Variants in GRIN2A observed in about 807,000 individuals in gnomAD.
GRIN2A encodes the protein glutamate receptor ionotropic, NMDA 2A.
Under a neutral mutation model 113.4 loss-of-function variants are expected in GRIN2A, and 22 were observed. That is an observed-to-expected ratio of 0.19 (90% CI 0.14 to 0.28). The LOEUF (loss-of-function observed/expected upper bound fraction) is 0.28. Ranked by LOEUF, GRIN2A falls within the 10% of genes least tolerant of loss-of-function variation. The pLI is 1.00. For synonymous variants in GRIN2A, 827 were observed against 738.4 expected, an observed-to-expected ratio of 1.12 and a Z score of -1.94; for missense variants, 1,502 against 1,887.0, an observed-to-expected ratio of 0.80 and a Z score of 3.78.
At position 9,882,032 on chromosome 16, in the gene GRIN2A, G is replaced by A. The variant is rs534233223; in HGVS notation, c.1122+8954C>T. ...TGGATGAACTTTTTTGAAGACTACT[G>A]ATATCTCATACACACACACAACACA... On this transcript the variant is annotated intron_variant, in intron 4 of 12. Transcript: ENST00000330684. Among the ~76,000 whole-genome samples, 31 of 151,728 alleles carry A rather than the reference G, an allele frequency of 2.0e-4. No homozygotes were observed. The South Asian group carries it at 5.6e-3, about 27-fold the overall frequency.
intron 2 of GRIN2A, among the ~76,000 whole-genome samples, chr16:9,991,956 G>A (rs1450195390): frequency 2.0e-5 from 3 of 152,100 alleles, no homozygotes; most frequent in South Asian, 4.2e-4. Flanking sequence ...TGCATGCGGG[G>A]CTTAAAACCT....
intron 2 of GRIN2A, among the ~76,000 whole-genome samples, chr16:10,128,563 C>G (rs1017636371): frequency 6.6e-6 from 1 of 152,218 alleles, no homozygotes; most frequent in African/African-American, 2.4e-5. Context: ...CCTGCCACCC[C>G]ACTCTTCTAG....
intron 2 of GRIN2A, among the ~76,000 whole-genome samples, chr16:10,166,836 A>G (rs2142343491): frequency 1.3e-5 from 2 of 152,262 alleles, no homozygotes; most frequent in East Asian, 3.9e-4. Flanking sequence ...AGCCTCCTCA[A>G]TGTAAAGACA....
At chr16:10,011,302 A>T (rs1050656141) in intron 2 of GRIN2A, among the ~76,000 whole-genome samples, 1 of 152,194 alleles carries the variant, frequency 6.6e-6, no homozygotes, top group Non-Finnish European at 1.5e-5. Context: ...TTCACCCCTG[A>T]ATATTTAGTA....
chr16:9,900,110 G>C (rs895753533), intron 3 of GRIN2A, among the ~76,000 whole-genome samples: 3 of 152,238 alleles, frequency 2.0e-5, no homozygotes, highest in African/African-American at 7.2e-5. Flanking sequence ...AACTATGGTA[G>C]GGGTAGCAGT....
chr16:10,018,706 C>T (rs1481076790), intron 2 of GRIN2A, among the ~76,000 whole-genome samples: 1 of 152,136 alleles, frequency 6.6e-6, no homozygotes, highest in Non-Finnish European at 1.5e-5. Flanking sequence ...CTGCCAGTCA[C>T]TCCCCACACA....
At chr16:9,871,448 G>A (rs1367280310) in intron 4 of GRIN2A, among the ~76,000 whole-genome samples, 5 of 149,768 alleles carry the variant, frequency 3.3e-5, no homozygotes, top group Non-Finnish European at 7.4e-5. Flanking sequence ...AAAAAAAAAG[G>A]TAAAACAACC....
At chr16:9,983,153 A>G (rs1233364290) in intron 2 of GRIN2A, among the ~76,000 whole-genome samples, 2 of 152,200 alleles carry the variant, frequency 1.3e-5, no homozygotes, top group Non-Finnish European at 2.9e-5. Flanking sequence ...CTATTTAAAA[A>G]TACACAATAT....
rs2141295127 is a variant in GRIN2A, at chr16:9,822,405, T to G, written c.2027A>C (p.Tyr676Ser). ...TGTCCCAAATCGAAAAGGTGGGGAATAGTCATGAGGTCTCTGAAACTGGAG... is the reference window on the plus strand; with the variant it reads ...TGTCCCAAATCGAAAAGGTGGGGAAGAGTCATGAGGTCTCTGAAACTGGAG... ...SDKKFQRPHD[Y>S]SPPFRFGTVP... The change falls in exon 10 of 13, where the codon TAT (tyrosine) becomes TCT (serine). Residue 676 changes from tyrosine (Y) to serine (S), a missense_variant. Physicochemically the swap from Tyr to Ser is moderately radical, Grantham distance 144. This residue lies in a region of GRIN2A where 101 missense variants were observed against 240.4 expected (regional missense o/e 0.42). Transcript: ENST00000330684. 6.2e-7 allele frequency: 1 copy of G among 1,611,174 alleles called. No individual in the cohort carries two copies. Among genetic ancestry groups the G allele is most frequent in the Non-Finnish European group, 8.5e-7 (1 of 1,177,558 alleles).
chr16:9,873,879 G>A (rs2043313596), intron 4 of GRIN2A, among the ~76,000 whole-genome samples: 1 of 152,148 alleles, frequency 6.6e-6, no homozygotes, highest in South Asian at 2.1e-4. Flanking sequence ...TAATCTGCTG[G>A]ACCACATAGA....
At chr16:10,012,934 C>A (rs1301910395) in intron 2 of GRIN2A, among the ~76,000 whole-genome samples, 1 of 152,142 alleles carries the variant, frequency 6.6e-6, no homozygotes, top group Non-Finnish European at 1.5e-5. Context: ...CAGCAATAGG[C>A]AACTAATACA....
chr16:9,866,886 C>T (rs930010471), intron 4 of GRIN2A, among the ~76,000 whole-genome samples: 3 of 152,056 alleles, frequency 2.0e-5, no homozygotes, highest in Admixed American at 2.0e-4. Flanking sequence ...CCACCCATTC[C>T]CATGGGGGAA....
intron 2 of GRIN2A, among the ~76,000 whole-genome samples, chr16:10,076,228 T>C (rs927805682): frequency 6.6e-6 from 1 of 152,132 alleles, no homozygotes; most frequent in African/African-American, 2.4e-5. Context: ...CTGCTGCTTG[T>C]GTTTGTTTAC....
At chr16:10,131,986 C>A (rs1237452290) in intron 2 of GRIN2A, among the ~76,000 whole-genome samples, 1 of 152,064 alleles carries the variant, frequency 6.6e-6, no homozygotes, top group East Asian at 1.9e-4. Flanking sequence ...CTCCATATCC[C>A]TAAAAAAAAG....
intron 2 of GRIN2A, among the ~76,000 whole-genome samples, chr16:9,967,092 G>A (rs369225635): frequency 1.5e-4 from 23 of 152,278 alleles, no homozygotes; most frequent in African/African-American, 5.3e-4. Flanking sequence ...TCTGTGTTCA[G>A]CAGGTCCCAC....
chr16:10,154,344 T>C (rs2049645637), intron 2 of GRIN2A, among the ~76,000 whole-genome samples: 2 of 152,350 alleles, frequency 1.3e-5, no homozygotes, highest in Admixed American at 6.5e-5. Flanking sequence ...TCATCCATCC[T>C]AGCTGATCCA....
intron 2 of GRIN2A, among the ~76,000 whole-genome samples, chr16:10,031,005 T>C (rs117055894): frequency 1.7e-4 from 26 of 152,126 alleles, no homozygotes; most frequent in African/African-American, 5.8e-4. Flanking sequence ...TTGTTAAAAA[T>C]ACTACTATCA....
At chr16:9,990,847 A>T (rs987262563) in intron 2 of GRIN2A, among the ~76,000 whole-genome samples, 1 of 152,128 alleles carries the variant, frequency 6.6e-6, no homozygotes, top group Non-Finnish European at 1.5e-5. Context: ...CAGGTGGATC[A>T]CCTGAAGTCA....
intron 2 of GRIN2A, among the ~76,000 whole-genome samples, chr16:10,072,218 C>T (rs1357990538): frequency 6.6e-6 from 1 of 152,170 alleles, no homozygotes. Context: ...GCATTCCCTG[C>T]TGGTAGGGAA....
Sources: allele counts gnomAD v4.1 joint callset (sites outside exome capture counted in the v4.1 genomes callset), GRCh38; gene constraint gnomAD v4.1.1; regional missense constraint gnomAD v4.1.1; transcripts MANE v1.5; gene names NCBI Gene and HGNC (gene_info 2026-07-23, HGNC 2026-07-21).